PTPRH: variants seen among roughly 807,000 people sequenced by gnomAD.
The protein encoded by PTPRH is protein tyrosine phosphatase receptor type H, also known as receptor-type tyrosine-protein phosphatase H.
In PTPRH, 113 loss-of-function variants were observed where a neutral mutation model predicts 130.2. The ratio of observed to expected loss-of-function variants is 0.87; its 90% CI spans 0.75 to 1.01. PTPRH has a LOEUF of 1.01. Ranked by LOEUF, PTPRH falls within the 50% of genes least tolerant of loss-of-function variation. The pLI is 0.00. For synonymous variants in PTPRH, 556 were observed against 577.9 expected, an observed-to-expected ratio of 0.96 and a Z score of 0.54; for missense variants, 1,430 against 1,425.0, an observed-to-expected ratio of 1.00 and a Z score of -0.06.
At chr19:55,187,218 A>G (rs57855677) in intron 14 of PTPRH, among the ~76,000 whole-genome samples, 37,756 of 135,660 alleles carry the variant, frequency 0.28, 7,127 homozygotes, top group African/African-American at 0.53. Flanking sequence ...GGTGGCGGGC[A>G]CCTGTAGTCC....
At chr19:55,206,996 G>A in intron 2 of PTPRH, 41 bp from the exon 3 acceptor site, 2 of 1,566,180 alleles carry the variant, frequency 1.3e-6, no homozygotes, top group Non-Finnish European at 1.7e-6. Context: ...AGGGAACCAG[G>A]TCAGTACAAT....
In PTPRH at chr19:55,203,888, G is replaced by C. The variant is rs552386989; in HGVS notation, c.780C>G (p.Thr260=). Reference sequence around the variant, plus strand: ...GTCCAAGGCCATCCACGGTGACTCTGGTGTCTGTTGTGTTTCGAGTCTCTG... The same window carrying C: ...GTCCAAGGCCATCCACGGTGACTCTCGTGTCTGTTGTGTTTCGAGTCTCTG... The part of the protein sequence containing the change: ...GRTETRNTTD[T]RVTVDGLGPG... The change falls in exon 5 of 20, where the codon ACC becomes ACG. Residue 260 remains threonine (T), a synonymous_variant. Coordinates refer to ENST00000376350, the MANE Select transcript of PTPRH (RefSeq NM_002842.5). 8.7e-6 allele frequency: 14 copies of C among 1,614,168 alleles called. No individual in the cohort carries two copies. The South Asian group carries it at 1.3e-4, about 15-fold the overall frequency.
intron 12 of PTPRH, among the ~76,000 whole-genome samples, chr19:55,190,777 G>A (rs1372095212): frequency 6.6e-6 from 1 of 150,776 alleles, no homozygotes; most frequent in Non-Finnish European, 1.5e-5. Flanking sequence ...TTACAGGCGT[G>A]AGCCACCATG....
chr19:55,201,939 A>G, intron 6 of PTPRH, 117 bp downstream of exon 6: 1 of 1,477,344 alleles, frequency 6.8e-7, no homozygotes, highest in Non-Finnish European at 9.2e-7. Context: ...GGATGTGGAC[A>G]TGAGTACCTG....
chr19:55,185,726 C>T lies in PTPRH; in HGVS notation c.2902-64G>A. On this transcript the variant is annotated intron_variant, in intron 17 of 19. Coordinates refer to ENST00000376350, the MANE Select transcript of PTPRH (RefSeq NM_002842.5). ...GTAGGGAGGACCTGGCTTCTAGCAC[C>T]AGGAGCGGGTTCCCTGGGGCACACT... is the stretch of plus-strand genomic sequence containing the variant. 1.9e-6 allele frequency: 3 copies of T among 1,597,530 alleles called. No individual in the cohort carries two copies. The South Asian group carries it at 3.4e-5, about 18-fold the overall frequency.
rs200613237 is a variant in PTPRH, at chr19:55,200,393, T to A, written c.1263A>T (p.Val421=). 2.5e-5 allele frequency: 40 copies of A among 1,614,124 alleles called. No individual in the cohort carries two copies. Among genetic ancestry groups the A allele is most frequent in the Non-Finnish European group, 4.2e-6 (5 of 1,180,056 alleles). ...GPYPQDYTYW[V]EYTGDGGGTE... The stretch of plus-strand genomic sequence containing the variant: ...TGCCACCACCGTCTCCAGTGTACTC[T>A]ACCCAGTAGGTGTAGTCCTGAGGGT... The change falls in exon 7 of 20, where the codon GTA becomes GTT. Residue 421 remains valine, a synonymous_variant. Coordinates refer to ENST00000376350, the MANE Select transcript of PTPRH (RefSeq NM_002842.5).
Position 55,182,168 on chromosome 19 carries a change from A to G in PTPRH, c.3063-17T>C, listed in dbSNP as rs1355266016. 5 of 1,612,130 alleles carry G rather than the reference A, an allele frequency of 3.1e-6. No homozygotes were observed. Among genetic ancestry groups the G allele is most frequent in the African/African-American group, 1.3e-5 (1 of 75,040 alleles). ...ACGCCAGCACTAGGCAGAACAAGGG[A>G]AGGGTCAGACCAAGGGGCAGGAGTG... On this transcript the variant is annotated splice_polypyrimidine_tract_variant and intron_variant, in intron 18 of 19. Transcript: ENST00000376350.
chr19:55,186,985 C>T (rs530169420), intron 14 of PTPRH, among the ~76,000 whole-genome samples: 62 of 150,078 alleles, frequency 4.1e-4, no homozygotes, highest in Middle Eastern at 3.5e-3. Flanking sequence ...GTGGAGGTTG[C>T]AGTGAGCGGA....
rs747448099 is a variant in PTPRH, at chr19:55,203,870, G to C, written c.798C>G (p.Gly266=). 6.2e-7 allele frequency: 1 copy of C among 1,614,136 alleles called. No individual in the cohort carries two copies. The highest frequency in any genetic ancestry group is 1.7e-5 in the Admixed American group (1 of 60,008). The change falls in exon 5 of 20, where the codon GGC becomes GGG. Residue 266 remains glycine (G), a synonymous_variant. Coordinates refer to ENST00000376350, the MANE Select transcript of PTPRH (RefSeq NM_002842.5). ...NTTDTRVTVD[G]LGPGSLYTCS... The stretch of plus-strand genomic sequence containing the variant: ...ACGTATACAATGACCCGGGTCCAAG[G>C]CCATCCACGGTGACTCTGGTGTCTG...
Position 55,186,263 on chromosome 19 carries a change from T to A in PTPRH, c.2740A>T (p.Thr914Ser). ...WRLVWEQQSHTLVMLTNCMEA... is the reference protein window; with the variant it reads ...WRLVWEQQSHSLVMLTNCMEA... ...ATGCAGTTGGTCAGCATGACCAGGG[T>A]GTGGCTCTGCTGTTCCCACACCAGG... is the stretch of plus-strand genomic sequence containing the variant. The change falls in exon 16 of 20, where the codon ACC becomes TCC. Residue 914 changes from threonine (T) to serine (S), a missense_variant. By Grantham distance (58) the Thr-to-Ser change is moderately conservative (BLOSUM62 1). Transcript: ENST00000376350. 1 of 1,613,520 alleles carries A rather than the reference T, an allele frequency of 6.2e-7. No homozygotes were observed. Among genetic ancestry groups the A allele is most frequent in the Middle Eastern group, 1.7e-4 (1 of 6,058 alleles).
rs376295853 is a variant in PTPRH at position 55,197,371 on chromosome 19, T to G, written c.1736A>C (p.Asn579Thr). ...GGCCTTCCACCACAGCATGACTGAGTTCTTAGTCTGAGTTTCATTCTGGAG... is the reference window on the plus strand; with the variant it reads ...GGCCTTCCACCACAGCATGACTGAGGTCTTAGTCTGAGTTTCATTCTGGAG... Reference protein sequence around the residue: ...TDLQNETQTKNSVMLWWKAPG... With the variant: ...TDLQNETQTKTSVMLWWKAPG... Residue 579 changes from asparagine (N) to threonine (T), a missense_variant, in exon 9 of 20, where the codon AAC becomes ACC. Asn to Thr is a moderately conservative substitution (Grantham distance 65). Transcript: ENST00000376350. 2 of 1,613,754 alleles carry G rather than the reference T, an allele frequency of 1.2e-6. No homozygotes were observed. Among genetic ancestry groups the G allele is most frequent in the African/African-American group, 2.7e-5 (2 of 74,902 alleles).
Position 55,185,674 on chromosome 19 carries a change from G to C in PTPRH, c.2902-12C>G, listed in dbSNP as rs749459157. On this transcript the variant is annotated splice_polypyrimidine_tract_variant and intron_variant, in intron 17 of 19. Coordinates refer to ENST00000376350, the MANE Select transcript of PTPRH (RefSeq NM_002842.5). ...TTCTGCTCCTCCACCTGGAAGGAGG[G>C]AGCACTCACAGGCTCTGGAGATGAA... 1.5e-5 allele frequency: 24 copies of C among 1,613,290 alleles called. No homozygotes were observed. In the Admixed American group the frequency reaches 2.7e-4, roughly 18 times the overall value.
At chr19:55,196,144 T>C (rs866943436) in intron 10 of PTPRH, among the ~76,000 whole-genome samples, 1 of 152,096 alleles carries the variant, frequency 6.6e-6, no homozygotes, top group Non-Finnish European at 1.5e-5. Context: ...TCCCAGCACT[T>C]TGGGAGCCTG....
chr19:55,201,909 C>T (rs1360289352), intron 6 of PTPRH, 147 bp downstream of exon 6: 7 of 1,280,868 alleles, frequency 5.5e-6, no homozygotes, highest in Middle Eastern at 1.9e-4. Flanking sequence ...TTCTTCATCT[C>T]CTGAGCTGAG....
chr19:55,192,632 A>T (rs1169042247), intron 10 of PTPRH, among the ~76,000 whole-genome samples: 1 of 149,442 alleles, frequency 6.7e-6, no homozygotes, highest in Non-Finnish European at 1.5e-5. Context: ...GCTCACTGCA[A>T]CCTCTGCCTC....
intron 18 of PTPRH, among the ~76,000 whole-genome samples, chr19:55,183,336 G>A (rs908387713): frequency 8.6e-5 from 13 of 151,602 alleles, no homozygotes; most frequent in South Asian, 4.2e-4. Context: ...CCCGGGAGGC[G>A]GAGATTGCAG....
chr19:55,206,644 T>G, intron 3 of PTPRH, 45 bp downstream of exon 3: 1 of 1,529,804 alleles, frequency 6.5e-7, no homozygotes, highest in Non-Finnish European at 8.8e-7. Context: ...CCCCTACCAC[T>G]GTCCTTATAA....
At position 55,186,541 on chromosome 19, in the gene PTPRH, C is replaced by T. The variant is rs777503023; in HGVS notation, c.2567-1G>A. On this transcript the variant is annotated splice_acceptor_variant, in intron 14 of 19. Transcript: ENST00000376350. LOFTEE classifies it high-confidence loss of function. ...TTCAGGGGCACCCGGGACCAGTCAT[C>T]TAGGAGAAGAGGCCAGCATTAGCCA... The T allele has an allele frequency of 6.2e-7, 1 of 1,614,192 alleles. No homozygotes were observed. The highest frequency in any genetic ancestry group is 8.5e-7 in the Non-Finnish European group (1 of 1,180,030).
Position 55,187,567 on chromosome 19 carries a change from C to T in PTPRH, c.2512G>A (p.Val838Met). ...GCGTTGTTCTCTGAAGCCGAAGCCACCATCTGAGACTGGCTGTGGCCCACC... is the reference window on the plus strand; with the variant it reads ...GCGTTGTTCTCTGAAGCCGAAGCCATCATCTGAGACTGGCTGTGGCCCACC... ...SLVGHSQSQM[V>M]ASASENNAKN... is the part of the protein sequence containing the mutation. Residue 838 changes from valine (V) to methionine (M), a missense_variant, in exon 14 of 20, where the codon GTG becomes ATG. Coordinates refer to ENST00000376350, the MANE Select transcript of PTPRH (RefSeq NM_002842.5). 1 of 1,613,280 alleles carries T rather than the reference C, an allele frequency of 6.2e-7. No homozygotes were observed. Among genetic ancestry groups the T allele is most frequent in the East Asian group, 2.2e-5 (1 of 44,802 alleles).
Sources: gnomAD v4.1 joint callset for allele counts (sites outside exome capture counted in the v4.1 genomes callset) on GRCh38, gnomAD v4.1.1 for gene constraint, MANE v1.5 for transcripts, NCBI Gene and HGNC (gene_info 2026-07-23, HGNC 2026-07-21) for gene names.